EEFSEC: variants seen among roughly 807,000 people sequenced by gnomAD.
The protein encoded by EEFSEC is eukaryotic elongation factor, selenocysteine-tRNA specific.
In EEFSEC, 43 loss-of-function variants were observed where a neutral mutation model predicts 42.1. The observed-to-expected ratio is 1.02, with a 90% CI of 0.80 to 1.32. The LOEUF is 1.32. Among genes scored for constraint, EEFSEC ranks in the 40% most tolerant of loss-of-function variants. The pLI is 0.00. For missense variants in EEFSEC, 745 were observed against 803.6 expected (o/e 0.93, Z 0.88); for synonymous variants, 354 against 339.1 (o/e 1.04, Z -0.48).
chr3:128,335,757 C>T (rs546645691), intron 4 of EEFSEC, among the ~76,000 whole-genome samples: 1 of 152,236 alleles, frequency 6.6e-6, no homozygotes, highest in East Asian at 1.9e-4. Flanking sequence ...GGCAACAATC[C>T]AAGCCAGGTG....
intron 4 of EEFSEC, among the ~76,000 whole-genome samples, chr3:128,303,737 C>A (rs78397329): frequency 6.6e-6 from 1 of 152,148 alleles, no homozygotes; most frequent in African/African-American, 2.4e-5. Flanking sequence ...CTTTTATGAC[C>A]TCTGTGTTTT....
the EEFSEC span, among the ~76,000 whole-genome samples, chr3:128,422,610 G>A: frequency 1.3e-5 from 2 of 152,244 alleles, no homozygotes; most frequent in Non-Finnish European, 2.9e-5. Flanking sequence ...TCCGTGGCTG[G>A]CCCTGGCCCA....
chr3:128,341,671 C>A lies in EEFSEC; in HGVS notation c.1225C>A (p.Gln409Lys), dbSNP rs771339248. 2.5e-6 allele frequency: 4 copies of A among 1,614,098 alleles called. No homozygotes were observed. The South Asian group carries it at 3.3e-5, about 13-fold the overall frequency. Residue 409 changes from glutamine to lysine, a missense_variant, in exon 5 of 7, where the codon CAG (glutamine) becomes AAG (lysine). Transcript: ENST00000254730. ...GQATEGHCPRQQWALVEFEKP... is the reference protein window; with the variant it reads ...GQATEGHCPRKQWALVEFEKP... ...GGCCACAGAGGGCCATTGTCCTCGG[C>A]AGCAGTGGGCCCTGGTGGAGTTTGA...
chr3:128,276,611 A>G lies in EEFSEC; in HGVS notation c.786+11830A>G, dbSNP rs528753244. ...TGTCCAACATATTCATTCAGCGCAT[A>G]GTCTTGAGCACCTACTATGAGCCAG... On this transcript the variant is annotated intron_variant, in intron 4 of 6. Coordinates refer to ENST00000254730, the MANE Select transcript of EEFSEC (RefSeq NM_021937.5). Among the ~76,000 whole-genome samples, 3 of 152,336 alleles carry G rather than the reference A, an allele frequency of 2.0e-5. No individual in the cohort carries two copies. In the South Asian group the frequency reaches 6.2e-4, roughly 32 times the overall value.
chr3:128,277,116 G>A (rs558282497), intron 4 of EEFSEC, among the ~76,000 whole-genome samples: 24 of 152,344 alleles, frequency 1.6e-4, no homozygotes, highest in African/African-American at 4.3e-4. Flanking sequence ...TCTGTGTCGG[G>A]CCCCTCACTG....
chr3:128,370,932 G>A (rs963255730), intron 6 of EEFSEC, among the ~76,000 whole-genome samples: 1 of 152,240 alleles, frequency 6.6e-6, no homozygotes, highest in African/African-American at 2.4e-5. Context: ...GGGAGGAAGG[G>A]TGTTCAGGAC....
At chr3:128,206,972 G>A (rs1361207849) in intron 1 of EEFSEC, among the ~76,000 whole-genome samples, 1 of 152,156 alleles carries the variant, frequency 6.6e-6, no homozygotes, top group East Asian at 1.9e-4. Context: ...ACCCAGACTG[G>A]CCCGTGCAGC....
chr3:128,197,153 G>T (rs148219282), intron 1 of EEFSEC, among the ~76,000 whole-genome samples: 86 of 152,314 alleles, frequency 5.6e-4, no homozygotes, highest in African/African-American at 2.0e-3. Flanking sequence ...TGGTTGTTTA[G>T]GTTGTTTCTG....
At chr3:128,258,441 A>G (rs762575119) in intron 2 of EEFSEC, among the ~76,000 whole-genome samples, 4 of 152,002 alleles carry the variant, frequency 2.6e-5, no homozygotes, top group Non-Finnish European at 4.4e-5. Flanking sequence ...CAATCATTTG[A>G]CCTCTCTGTG....
rs762238564 is a variant in EEFSEC, at chr3:128,408,065, G to A, written c.1601-4G>A. 1 of 1,549,352 alleles carries A rather than the reference G, an allele frequency of 6.5e-7. No individual in the cohort carries two copies. The highest frequency in any genetic ancestry group is 1.9e-5 in the Admixed American group (1 of 52,114). On this transcript the variant is annotated splice_region_variant and splice_polypyrimidine_tract_variant and intron_variant, in intron 6 of 6. Coordinates refer to ENST00000254730, the MANE Select transcript of EEFSEC (RefSeq NM_021937.5). ...AGTGACAGGCTCTCTTCTGTGCCTTGCAGGTGGCCTCAGCCCCGAGTCCAA... is the reference window on the plus strand; with the variant it reads ...AGTGACAGGCTCTCTTCTGTGCCTTACAGGTGGCCTCAGCCCCGAGTCCAA...
chr3:128,312,852 A>G (rs2066904646), intron 4 of EEFSEC, among the ~76,000 whole-genome samples: 1 of 152,230 alleles, frequency 6.6e-6, no homozygotes, highest in Admixed American at 6.5e-5. Context: ...TACCCAGAAG[A>G]CAGTTTTTCT....
the EEFSEC span, among the ~76,000 whole-genome samples, chr3:128,419,169 A>G: frequency 1.3e-5 from 2 of 152,346 alleles, no homozygotes; most frequent in East Asian, 3.9e-4. Flanking sequence ...TTAAAAATGC[A>G]TGGGCCCCAT....
At chr3:128,193,509 A>AT (rs2065549203) in intron 1 of EEFSEC, among the ~76,000 whole-genome samples, 2 of 151,968 alleles carry the variant, frequency 1.3e-5, no homozygotes, top group African/African-American at 2.4e-5. Flanking sequence ...CAGTTACGTA[A>AT]TTTTTTCCCT....
At chr3:128,285,305 C>T (rs775647252) in intron 4 of EEFSEC, among the ~76,000 whole-genome samples, 1 of 152,028 alleles carries the variant, frequency 6.6e-6, no homozygotes, top group Non-Finnish European at 1.5e-5. Context: ...TGCTGCAGAG[C>T]CTGGGAGGCA....
the EEFSEC span, among the ~76,000 whole-genome samples, chr3:128,414,678 G>A: frequency 2.0e-5 from 3 of 152,182 alleles, no homozygotes; most frequent in Admixed American, 1.3e-4. Context: ...CACTACTAAC[G>A]TCAATGCCAT....
intron 6 of EEFSEC, among the ~76,000 whole-genome samples, chr3:128,368,928 AT>A (rs1390895373): frequency 6.6e-6 from 1 of 152,232 alleles, no homozygotes; most frequent in Non-Finnish European, 1.5e-5. Context: ...CCACGGTGGC[AT>A]TACCACTTCC....
At chr3:128,183,587 A>G (rs2107793732) in intron 1 of EEFSEC, among the ~76,000 whole-genome samples, 1 of 152,348 alleles carries the variant, frequency 6.6e-6, no homozygotes, top group East Asian at 1.9e-4. Context: ...AACAAGATGC[A>G]TCATTTCTTT....
At chr3:128,273,652 G>C (rs2811531) in intron 4 of EEFSEC, among the ~76,000 whole-genome samples, 127,632 of 152,256 alleles carry the variant, frequency 0.84, 53,998 homozygotes, top group East Asian at 0.99. Flanking sequence ...GTACAGCCAG[G>C]TTCTTGTGCT....
At chr3:128,156,108 G>A (rs1336617378) in intron 1 of EEFSEC, among the ~76,000 whole-genome samples, 1 of 152,210 alleles carries the variant, frequency 6.6e-6, no homozygotes, top group Non-Finnish European at 1.5e-5. Flanking sequence ...TAGATGAGTG[G>A]TGAAGGACAT....
Sources: allele counts gnomAD v4.1 joint callset (sites outside exome capture counted in the v4.1 genomes callset), GRCh38; gene constraint gnomAD v4.1.1; transcripts MANE v1.5; gene names NCBI Gene and HGNC (gene_info 2026-07-23, HGNC 2026-07-21).